The following UXS1 variants were observed in gnomAD, a reference collection of about 807,000 sequenced individuals.
The protein encoded by UXS1 is UDP-glucuronate decarboxylase 1.
Under a neutral mutation model 62.6 loss-of-function variants are expected in UXS1, and 33 were observed. The ratio of observed to expected loss-of-function variants is 0.53; its 90% CI spans 0.40 to 0.70. UXS1 has a LOEUF of 0.70. UXS1 is among the 30% of genes least tolerant of loss of function. UXS1 has a pLI of 0.00. For missense variants in UXS1, 434 were observed against 556.3 expected (o/e 0.78, Z 2.21); for synonymous variants, 213 against 206.8 (o/e 1.03, Z -0.26).
At chr2:106,148,317 G>A (rs1329540474) in intron 5 of UXS1, among the ~76,000 whole-genome samples, 2 of 152,132 alleles carry the variant, frequency 1.3e-5, no homozygotes, top group Non-Finnish European at 2.9e-5. Flanking sequence ...TTATCTTCAC[G>A]TTATTGCATT....
At chr2:106,153,879 G>C (rs1682225619) in intron 5 of UXS1, among the ~76,000 whole-genome samples, 2 of 152,282 alleles carry the variant, frequency 1.3e-5, no homozygotes, top group Middle Eastern at 3.4e-3. Flanking sequence ...AGATAATAAA[G>C]AGAGATTACA....
intron 5 of UXS1, among the ~76,000 whole-genome samples, chr2:106,153,685 A>G (rs1361366148): frequency 6.6e-6 from 1 of 152,208 alleles, no homozygotes; most frequent in Non-Finnish European, 1.5e-5. Context: ...GGTGACCCAT[A>G]AACAGAAAAA....
intron 6 of UXS1, among the ~76,000 whole-genome samples, chr2:106,140,997 T>C (rs1355765592): frequency 6.6e-6 from 1 of 152,198 alleles, no homozygotes; most frequent in Non-Finnish European, 1.5e-5. Context: ...ACCATGAAAA[T>C]GATGACAGAG....
At chr2:106,136,875 C>T (rs1680677490) in intron 6 of UXS1, among the ~76,000 whole-genome samples, 1 of 120,984 alleles carries the variant, frequency 8.3e-6, no homozygotes, top group Non-Finnish European at 1.7e-5. Flanking sequence ...AACTAACCTG[C>T]ACAATGTGCA....
intron 12 of UXS1, among the ~76,000 whole-genome samples, chr2:106,099,992 T>C (rs1442913271): frequency 1.3e-5 from 2 of 152,186 alleles, no homozygotes; most frequent in Non-Finnish European, 2.9e-5. Context: ...TACAAAGACA[T>C]GCATAAGCAA....
chr2:106,153,044 A>G (rs1573522520), intron 5 of UXS1, among the ~76,000 whole-genome samples: 2 of 152,220 alleles, frequency 1.3e-5, no homozygotes, highest in South Asian at 2.1e-4. Context: ...AAAGTCAAAT[A>G]TAAGGGTGCT....
intron 6 of UXS1, among the ~76,000 whole-genome samples, chr2:106,130,988 G>T (rs1250565831): frequency 6.6e-6 from 1 of 151,972 alleles, no homozygotes; most frequent in Non-Finnish European, 1.5e-5. Context: ...ATTTCCATCT[G>T]AGGTTCCGGG....
At chr2:106,180,976 C>T (rs1384062573) in intron 1 of UXS1, among the ~76,000 whole-genome samples, 1 of 152,132 alleles carries the variant, frequency 6.6e-6, no homozygotes, top group Non-Finnish European at 1.5e-5. Context: ...TTACCTCAAA[C>T]GATAACAATG....
At chr2:106,137,681 G>A (rs2104968434) in intron 6 of UXS1, among the ~76,000 whole-genome samples, 1 of 151,866 alleles carries the variant, frequency 6.6e-6, no homozygotes, top group East Asian at 1.9e-4. Flanking sequence ...TGTAATCCCA[G>A]CTACTTGGGA....
intron 11 of UXS1, 81 bp from the exon 12 acceptor site, chr2:106,101,199 AG>A: frequency 1.9e-5 from 28 of 1,453,202 alleles, no homozygotes; most frequent in South Asian, 5.4e-5. Flanking sequence ...CCCTCCCAGA[AG>A]AAAAATTACC....
In UXS1 at chr2:106,123,585, G is replaced by C. The variant is rs1490967273; in HGVS notation, c.638-494C>G. On this transcript the variant is annotated intron_variant, in intron 8 of 14. Transcript: ENST00000283148. The stretch of plus-strand genomic sequence containing the variant: ...CAAGTCAACGTGGAGGCTCCTGTAG[G>C]GCAGGTGGAGGGACGGGGTGCCCCT... Among the ~76,000 whole-genome samples, 6 of 152,324 alleles carry C rather than the reference G, an allele frequency of 3.9e-5. No individual in the cohort carries two copies. In the South Asian group the frequency reaches 1.0e-3, roughly 26 times the overall value.
chr2:106,094,146 C>T lies in UXS1; in HGVS notation c.1158G>A (p.Glu386=). The T allele has an allele frequency of 6.2e-7, 1 of 1,609,630 alleles. No individual in the cohort carries two copies. The highest frequency in any genetic ancestry group is 1.7e-5 in the Admixed American group (1 of 59,542). Residue 386 remains glutamate (E), a synonymous_variant, in exon 15 of 15, where the codon GAG becomes GAA. Transcript: ENST00000283148. ...MLGWEPVVPL[E]EGLNKAIHYF... is the part of the protein sequence containing the mutation. ...AGTGAATTGCTTTGTTTAAACCTTC[C>T]TCCAGCGGGACCTGTTTAAAGGGAA...
At chr2:106,173,718 T>C (rs1027356775) in intron 1 of UXS1, among the ~76,000 whole-genome samples, 4 of 152,248 alleles carry the variant, frequency 2.6e-5, no homozygotes, top group East Asian at 1.9e-4. Flanking sequence ...CACAACTTTA[T>C]TGAAGGACAC....
At chr2:106,185,403 C>G (rs531747488) in intron 1 of UXS1, among the ~76,000 whole-genome samples, 19 of 152,334 alleles carry the variant, frequency 1.2e-4, no homozygotes, top group Non-Finnish European at 2.6e-4. Flanking sequence ...GTGTGCTTTT[C>G]CCATACTACC....
At chr2:106,160,007 C>G (rs1050770283) in intron 4 of UXS1, 1 of 152,188 alleles carries the variant, frequency 6.6e-6, no homozygotes, top group Non-Finnish European at 1.5e-5. Context: ...GCTCACCGAC[C>G]GTCTTTAGTA....
chr2:106,192,973 T>C (rs561807719), intron 1 of UXS1, among the ~76,000 whole-genome samples: 5 of 152,286 alleles, frequency 3.3e-5, no homozygotes, highest in South Asian at 2.1e-4. Flanking sequence ...TTACTCAAGA[T>C]TGACCACACA....
chr2:106,193,091 C>T (rs1348696331), intron 1 of UXS1, among the ~76,000 whole-genome samples: 2 of 152,140 alleles, frequency 1.3e-5, no homozygotes, highest in African/African-American at 4.8e-5. Context: ...GGTTTTCCAG[C>T]TCCACCTCCT....
intron 4 of UXS1, among the ~76,000 whole-genome samples, 164 bp from the exon 5 acceptor site, chr2:106,158,282 T>C (rs1039728522): frequency 3.9e-5 from 6 of 152,174 alleles, no homozygotes; most frequent in Non-Finnish European, 7.3e-5. Context: ...CTAGTTAACT[T>C]GAGGTCAAGA....
At chr2:106,173,586 TA>T (rs1683696188) in intron 1 of UXS1, among the ~76,000 whole-genome samples, 1 of 152,112 alleles carries the variant, frequency 6.6e-6, no homozygotes, top group African/African-American at 2.4e-5. Flanking sequence ...AAAACTCTAT[TA>T]AAAGAGCCAG....
Sources: allele counts gnomAD v4.1 joint callset (sites outside exome capture counted in the v4.1 genomes callset), GRCh38; gene constraint gnomAD v4.1.1; transcripts MANE v1.5; gene names NCBI Gene and HGNC (gene_info 2026-07-23, HGNC 2026-07-21).